PCDHGA6: variants seen among roughly 807,000 people sequenced by gnomAD.
PCDHGA6 encodes protocadherin gamma-A6.
PCDHGA6 carries 41 observed loss-of-function variants against 60.6 expected under a neutral mutation model. The observed-to-expected ratio is 0.68, with a 90% CI of 0.53 to 0.88. The LOEUF (loss-of-function observed/expected upper bound fraction) is 0.88, where lower values mean the gene tolerates loss of function less well. Among genes scored for constraint, PCDHGA6 ranks in the 40% least tolerant of loss-of-function variants. PCDHGA6 has a pLI of 0.00. For missense variants in PCDHGA6, 1,312 were observed against 1,203.0 expected (o/e 1.09, Z -1.34); for synonymous variants, 594 against 524.4 (o/e 1.13, Z -1.81).
In PCDHGA6 at chr5:141,487,598, C is replaced by T. The variant is rs1450685717; in HGVS notation, c.2425-7209C>T. 6.2e-7 allele frequency: 1 copy of T among 1,614,210 alleles called. No homozygotes were observed. The highest frequency in any genetic ancestry group is 8.5e-7 in the Non-Finnish European group (1 of 1,180,046). ...TCGCCCAAGCTGCCCACCCTCTGAT[C>T]TTCTCTATGGGCTAGAGGTGAGACC... is the stretch of plus-strand genomic sequence containing the variant. On this transcript the variant is annotated intron_variant, in intron 1 of 3. Transcript: ENST00000517434. The surrounding 1 kb of genome is among the most constrained non-coding windows in gnomAD (Gnocchi z 5.0).
intron 1 of PCDHGA6, among the ~76,000 whole-genome samples, chr5:141,460,997 G>A (rs1322943324): frequency 3.4e-5 from 5 of 147,290 alleles, no homozygotes; most frequent in Admixed American, 1.4e-4. Flanking sequence ...ATATATATAT[G>A]TGTATATATA....
chr5:141,399,361 C>A (rs375619778), intron 1 of PCDHGA6: 1 of 1,613,960 alleles, frequency 6.2e-7, no homozygotes. Context: ...AGAGCAAACC[C>A]CGGAGTACAA....
intron 1 of PCDHGA6, chr5:141,423,108 GC>G: frequency 1.2e-6 from 2 of 1,613,864 alleles, no homozygotes; most frequent in African/African-American, 2.7e-5. Flanking sequence ...CGGGCGAGGT[GC>G]GTACAGCGCG....
intron 3 of PCDHGA6, among the ~76,000 whole-genome samples, chr5:141,505,861 C>A (rs115699706): frequency 0.034 from 5,102 of 152,242 alleles, 131 homozygotes; most frequent in Admixed American, 0.057. Flanking sequence ...GGGACAGGGA[C>A]CCCAAAGGGT....
chr5:141,375,163 A>G lies in PCDHGA6; in HGVS notation c.1080A>G (p.Ala360=), dbSNP rs1313060581. ...TSGSRTIAES[A]PPGTVIALFQ... is the part of the protein sequence containing the mutation. Reference sequence around the variant, plus strand: ...GAAGCAGAACAATTGCTGAAAGTGCACCTCCAGGAACAGTAATCGCCCTTT... The same window carrying G: ...GAAGCAGAACAATTGCTGAAAGTGCGCCTCCAGGAACAGTAATCGCCCTTT... The change falls in exon 1 of 4, where the codon GCA becomes GCG. Residue 360 remains alanine (A), a synonymous_variant. Transcript: ENST00000517434. 1 of 1,613,892 alleles carries G rather than the reference A, an allele frequency of 6.2e-7. No individual in the cohort carries two copies. The highest frequency in any genetic ancestry group is 1.1e-5 in the South Asian group (1 of 91,068).
At chr5:141,457,524 G>A (rs1427291573) in intron 1 of PCDHGA6, among the ~76,000 whole-genome samples, 1 of 152,188 alleles carries the variant, frequency 6.6e-6, no homozygotes, top group African/African-American at 2.4e-5. Context: ...CAATTAATGA[G>A]ACTAGGGTTT....
chr5:141,494,843 G>T lies in PCDHGA6; in HGVS notation c.2461G>T (p.Ala821Ser). The T allele has an allele frequency of 6.2e-7, 1 of 1,614,088 alleles. No individual in the cohort carries two copies. The highest frequency in any genetic ancestry group is 8.5e-7 in the Non-Finnish European group (1 of 1,180,006). ...PPNTDWRFSQ[A>S]QRPGTSGSQN... Reference sequence around the variant, plus strand: ...CAACACGGACTGGCGTTTCTCTCAGGCCCAGAGACCCGGCACCAGCGGGTA... The same window carrying T: ...CAACACGGACTGGCGTTTCTCTCAGTCCCAGAGACCCGGCACCAGCGGGTA... Residue 821 changes from alanine (A) to serine (S), a missense_variant, in exon 2 of 4, where the codon GCC becomes TCC. Transcript: ENST00000517434.
chr5:141,383,505 G>C (rs1461557707), intron 1 of PCDHGA6: 10 of 1,612,818 alleles, frequency 6.2e-6, no homozygotes, highest in Admixed American at 1.7e-5. Context: ...TGCTGGACCG[G>C]GAGGAAGAGC....
rs147783721 is a variant in PCDHGA6 at position 141,404,989 on chromosome 5, G to T, written c.2424+28482G>T. ...TCCTGGCTGACCTGGGCAGTCTTCAGATCCCTGCAGACCTGGAGGCCTCAG... is the reference window on the plus strand; with the variant it reads ...TCCTGGCTGACCTGGGCAGTCTTCATATCCCTGCAGACCTGGAGGCCTCAG... On this transcript the variant is annotated intron_variant, in intron 1 of 3. Transcript: ENST00000517434. 1.6e-5 allele frequency: 26 copies of T among 1,614,046 alleles called. No individual in the cohort carries two copies. In the Admixed American group the frequency reaches 4.0e-4, roughly 25 times the overall value.
rs376978832 is a variant in PCDHGA6, at chr5:141,395,250, C to T, written c.2424+18743C>T. On this transcript the variant is annotated intron_variant, in intron 1 of 3. Transcript: ENST00000517434. ...TGATCATGGTCAGGTGAGTTTAGTT[C>T]TTTGCTTGCTTTTAATTTCCAGATG... 1.1e-5 allele frequency: 17 copies of T among 1,558,200 alleles called. No individual in the cohort carries two copies. In the African/African-American group the frequency reaches 2.3e-4, roughly 21 times the overall value.
chr5:141,431,731 T>G lies in PCDHGA6; in HGVS notation c.2424+55224T>G. 6.2e-7 allele frequency: 1 copy of G among 1,614,210 alleles called. No homozygotes were observed. The highest frequency in any genetic ancestry group is 8.5e-7 in the Non-Finnish European group (1 of 1,180,034). Reference sequence around the variant, plus strand: ...AGATGGAAGTGCAAGCAATGGATAATGCAGGATATTCTGCGCGAGCCAAAG... The same window carrying G: ...AGATGGAAGTGCAAGCAATGGATAAGGCAGGATATTCTGCGCGAGCCAAAG... On this transcript the variant is annotated intron_variant, in intron 1 of 3. Coordinates refer to ENST00000517434, the MANE Select transcript of PCDHGA6 (RefSeq NM_018919.3). The surrounding 1 kb of genome is among the most constrained non-coding windows in gnomAD (Gnocchi z 4.8).
At chr5:141,478,840 A>G (rs2099480064) in intron 1 of PCDHGA6, 1 of 1,410,466 alleles carries the variant, frequency 7.1e-7, no homozygotes, top group Non-Finnish European at 9.3e-7. Context: ...AGGGATGGTT[A>G]AGCTAAAACA....
In PCDHGA6 at chr5:141,485,423, C is replaced by A; in HGVS notation, c.2425-9384C>A. On this transcript the variant is annotated intron_variant, in intron 1 of 3. Transcript: ENST00000517434. This position sits in a 1 kb window ranked among gnomAD's most constrained non-coding sequence, Gnocchi z 5.7. Reference sequence around the variant, plus strand: ...CCGTGTGGATTTGGACAGCGGAGCCCTGCTCATCAAGAACCCAATCGACCG... The same window carrying A: ...CCGTGTGGATTTGGACAGCGGAGCCATGCTCATCAAGAACCCAATCGACCG... 1 of 1,614,204 alleles carries A rather than the reference C, an allele frequency of 6.2e-7. No homozygotes were observed. The highest frequency in any genetic ancestry group is 8.5e-7 in the Non-Finnish European group (1 of 1,180,036).
chr5:141,383,187 C>A (rs572411306), intron 1 of PCDHGA6: 2 of 1,614,076 alleles, frequency 1.2e-6, no homozygotes, highest in Non-Finnish European at 1.7e-6. Context: ...AAGAGATCTG[C>A]GCTCAGAGTG....
chr5:141,485,340 C>A lies in PCDHGA6; in HGVS notation c.2425-9467C>A. 1 of 1,614,076 alleles carries A rather than the reference C, an allele frequency of 6.2e-7. No individual in the cohort carries two copies. On this transcript the variant is annotated intron_variant, in intron 1 of 3. Transcript: ENST00000517434. The surrounding 1 kb of genome is among the most constrained non-coding windows in gnomAD (Gnocchi z 5.7). ...GTCGCTCAAGATTTCCTGCTGGATA[C>A]GGACAGTCTGTCAGCTCGCAGGCTG...
chr5:141,382,477 A>C (rs906879449), intron 1 of PCDHGA6, among the ~76,000 whole-genome samples: 5 of 152,240 alleles, frequency 3.3e-5, no homozygotes, highest in African/African-American at 1.2e-4. Context: ...ATTATCTAAG[A>C]TTATCAAACA....
intron 1 of PCDHGA6, chr5:141,419,059 T>C (rs574873856): frequency 1.6e-5 from 26 of 1,613,962 alleles, no homozygotes; most frequent in Non-Finnish European, 2.0e-5. Context: ...CTTCTAATAA[T>C]TACTACAAGC....
chr5:141,437,217 T>G (rs2097868672), intron 1 of PCDHGA6, among the ~76,000 whole-genome samples: 1 of 152,230 alleles, frequency 6.6e-6, no homozygotes, highest in Admixed American at 6.5e-5. Flanking sequence ...TTATTCTGAT[T>G]CCAGTCATAA....
In PCDHGA6 at chr5:141,502,866, C is replaced by CTTTTTTTTTTTT. The variant is rs549047197; in HGVS notation, c.2484-2524_2484-2513dup. 2.4e-4 allele frequency among the ~76,000 whole-genome samples: 31 copies of CTTTTTTTTTTTT among 128,008 alleles called. 3 individuals are homozygous for CTTTTTTTTTTTT. Among genetic ancestry groups the CTTTTTTTTTTTT allele is most frequent in the African/African-American group, 3.4e-4 (11 of 32,350 alleles). 84.0% of individuals were successfully genotyped at this position (128,008 alleles called of 152,430 possible). ...GAGCTGCCTAACCCTGACTCTCTGT[C>CTTTTTTTTTTTT]TTTTTTTTTTTTTTGACAGGGAGTC... is the stretch of plus-strand genomic sequence containing the variant. On this transcript the variant is annotated intron_variant, in intron 2 of 3. Transcript: ENST00000517434.
Sources: gnomAD v4.1 joint callset for allele counts (sites outside exome capture counted in the v4.1 genomes callset) on GRCh38, gnomAD v4.1.1 for gene constraint, Gnocchi (gnomAD v3.1) non-coding constraint, MANE v1.5 for transcripts, NCBI Gene and HGNC (gene_info 2026-07-23, HGNC 2026-07-21) for gene names.